The following GRIP1 variants were observed in gnomAD, a reference collection of about 807,000 sequenced individuals.
The protein encoded by GRIP1 is glutamate receptor-interacting protein 1.
Under a neutral mutation model 129.9 loss-of-function variants are expected in GRIP1, and 45 were observed. The ratio of observed to expected loss-of-function variants is 0.35; its 90% confidence interval spans 0.27 to 0.44. The LOEUF (loss-of-function observed/expected upper bound fraction) is 0.44, where lower values mean the gene tolerates loss of function less well. Among genes scored for constraint, GRIP1 ranks in the 20% least tolerant of loss-of-function variants. The pLI, the probability that GRIP1 is intolerant of heterozygous loss-of-function variation, is 1.00. For missense variants in GRIP1, 1,196 were observed against 1,396.8 expected (o/e 0.86, Z 2.29); for synonymous variants, 530 against 520.8 (o/e 1.02, Z -0.24).
At chr12:66,356,836 T>A (rs2054511260) in intron 23 of GRIP1, among the ~76,000 whole-genome samples, 1 of 152,172 alleles carries the variant, frequency 6.6e-6, no homozygotes, top group Non-Finnish European at 1.5e-5. Context: ...GTCCATAATT[T>A]CCCCAATTGT....
chr12:66,564,397 A>G (rs1224014370), intron 2 of GRIP1, among the ~76,000 whole-genome samples: 1 of 150,524 alleles, frequency 6.6e-6, no homozygotes, highest in Non-Finnish European at 1.5e-5. Flanking sequence ...TGTCCTTGTG[A>G]TAGTTTGCTC....
chr12:66,819,248 A>G (rs2039277655), intron 1 of GRIP1, among the ~76,000 whole-genome samples: 1 of 152,222 alleles, frequency 6.6e-6, no homozygotes, highest in Non-Finnish European at 1.5e-5. Flanking sequence ...CAATCCTTTC[A>G]GCTAATAAGC....
chr12:66,369,340 CTTTTTTTTTTTTT>C (rs758593628), intron 23 of GRIP1, among the ~76,000 whole-genome samples: 12 of 106,770 alleles, frequency 1.1e-4, no homozygotes, highest in South Asian at 1.0e-3. Context: ...TTAACAAGAT[CTTTTTTTTTTTTT>C]TTTTTTTTTT....
chr12:66,682,973 C>A (rs573256551), upstream of GRIP1, among the ~76,000 whole-genome samples: 1 of 152,210 alleles, frequency 6.6e-6, no homozygotes, highest in South Asian at 2.1e-4. Context: ...CTTAAAAATG[C>A]TTAACATGCT....
At chr12:66,457,490 G>A (rs766090793) in intron 9 of GRIP1, among the ~76,000 whole-genome samples, 8 of 152,124 alleles carry the variant, frequency 5.3e-5, no homozygotes, top group African/African-American at 1.4e-4. Flanking sequence ...GCCCAAGCTG[G>A]TCTCAAGTGA....
intron 1 of GRIP1, among the ~76,000 whole-genome samples, chr12:66,937,833 G>T (rs1241004629): frequency 6.6e-6 from 1 of 152,100 alleles, no homozygotes; most frequent in Admixed American, 6.5e-5. Flanking sequence ...ATTGGTCATA[G>T]TAAAGATTAC....
At chr12:66,864,144 T>A (rs2040160052) in intron 1 of GRIP1, among the ~76,000 whole-genome samples, 1 of 151,546 alleles carries the variant, frequency 6.6e-6, no homozygotes, top group Non-Finnish European at 1.5e-5. Context: ...GTGGATCTCA[T>A]GGCTTCTCTT....
At chr12:66,732,217 T>C (rs7970780) in intron 1 of GRIP1, among the ~76,000 whole-genome samples, 4,556 of 152,148 alleles carry the variant, frequency 0.03, 238 homozygotes, top group African/African-American at 0.1. Flanking sequence ...TCTTGTTCCT[T>C]CTCCTACTCA....
chr12:66,975,678 C>T (rs923732775), intron 1 of GRIP1, among the ~76,000 whole-genome samples: 3 of 152,132 alleles, frequency 2.0e-5, no homozygotes, highest in East Asian at 3.8e-4. Context: ...AAACATAATA[C>T]ATGCATTCTG....
chr12:66,464,886 T>A (rs1189108688), intron 8 of GRIP1, among the ~76,000 whole-genome samples: 1 of 152,048 alleles, frequency 6.6e-6, no homozygotes, highest in Non-Finnish European at 1.5e-5. Context: ...TGTACATATG[T>A]ATGTATATAT....
intron 7 of GRIP1, among the ~76,000 whole-genome samples, chr12:66,510,254 C>T (rs2060657867): frequency 6.6e-6 from 1 of 152,154 alleles, no homozygotes; most frequent in Non-Finnish European, 1.5e-5. Flanking sequence ...GGCCTTCGTT[C>T]ACTGTCTCCA....
chr12:66,952,994 TC>T (rs1374752446), intron 1 of GRIP1, among the ~76,000 whole-genome samples: 3 of 152,218 alleles, frequency 2.0e-5, no homozygotes, highest in Non-Finnish European at 4.4e-5. Flanking sequence ...ATATTTAAAT[TC>T]CAAAGTTTGT....
chr12:66,620,101 T>C (rs1410482064), intron 1 of GRIP1, among the ~76,000 whole-genome samples: 1 of 152,188 alleles, frequency 6.6e-6, no homozygotes, highest in Non-Finnish European at 1.5e-5. Flanking sequence ...CAAGTTTACA[T>C]AGGTAGAAAG....
In GRIP1 at chr12:66,465,397, T is replaced by C. The variant is rs759684302; in HGVS notation, c.750A>G (p.Pro250=). ...GAGTTTTGGCAACTTCGACTAGTAG[T>C]GGCCCGGATGCTGTTGCCACAGAGT... ...VMDSVATASG[P]LLVEVAKTPG... The change falls in exon 8 of 25, where the codon CCA becomes CCG. Residue 250 remains proline, a synonymous_variant. Coordinates refer to ENST00000359742, the MANE Select transcript of GRIP1 (RefSeq NM_001366722.1). The C allele has an allele frequency of 4.3e-6, 7 of 1,614,074 alleles. No homozygotes were observed. The South Asian group carries it at 6.6e-5, about 15-fold the overall frequency.
chr12:66,758,615 C>T (rs1399754747), intron 1 of GRIP1, among the ~76,000 whole-genome samples: 2 of 152,130 alleles, frequency 1.3e-5, no homozygotes, highest in South Asian at 2.1e-4. Context: ...AAGGCAAGTC[C>T]CTTCTGCCTA....
chr12:67,042,242 A>T (rs926139669), intron 1 of GRIP1, among the ~76,000 whole-genome samples: 1 of 152,248 alleles, frequency 6.6e-6, no homozygotes, highest in African/African-American at 2.4e-5. Context: ...TTCTTTATAA[A>T]TTACTCAGGT....
At chr12:66,522,848 C>G (rs1304820257) in intron 5 of GRIP1, among the ~76,000 whole-genome samples, 2 of 152,086 alleles carry the variant, frequency 1.3e-5, no homozygotes, top group Non-Finnish European at 1.5e-5. Flanking sequence ...GCTGATGGAG[C>G]TGAAAGCCAA....
At chr12:66,703,892 C>T (rs2035435975) in intron 1 of GRIP1, among the ~76,000 whole-genome samples, 1 of 151,858 alleles carries the variant, frequency 6.6e-6, no homozygotes, top group African/African-American at 2.4e-5. Context: ...GATGATTGCA[C>T]ACCACTGTGA....
chr12:66,895,823 A>G (rs4322493), intron 1 of GRIP1, among the ~76,000 whole-genome samples: 13,542 of 152,264 alleles, frequency 0.089, 730 homozygotes, highest in Admixed American at 0.18. Flanking sequence ...GTTTCTTATC[A>G]TATTTTTAAA....
Sources: allele counts gnomAD v4.1 joint callset (sites outside exome capture counted in the v4.1 genomes callset), GRCh38; gene constraint gnomAD v4.1.1; transcripts MANE v1.5; gene names NCBI Gene and HGNC (gene_info 2026-07-23, HGNC 2026-07-21).